CELF4: variants seen among roughly 807,000 people sequenced by gnomAD.
CELF4 encodes the protein CUG-BP- and ETR-3-like factor 4.
Under a neutral mutation model 59.9 loss-of-function variants are expected in CELF4, and 18 were observed. The ratio of observed to expected loss-of-function variants is 0.30; its 90% confidence interval spans 0.21 to 0.45. The LOEUF is 0.45. Among genes scored for constraint, CELF4 ranks in the 20% least tolerant of loss-of-function variants. CELF4 has a pLI of 1.00. For synonymous variants in CELF4, 261 were observed against 267.1 expected (o/e 0.98, Z 0.22); for missense variants, 456 against 689.0 (o/e 0.66, Z 3.79).
intron 3 of CELF4, among the ~76,000 whole-genome samples, chr18:37,309,362 A>C (rs1372282766): frequency 6.6e-6 from 1 of 152,132 alleles, no homozygotes; most frequent in African/African-American, 2.4e-5. Flanking sequence ...ATCCTCACCC[A>C]ATTGTGCAGG....
Position 37,243,514 on chromosome 18 carries a change from T to G in CELF4, c.*1728A>C, listed in dbSNP as rs1007160495. On this transcript the variant is annotated 3_prime_UTR_variant, in exon 13 of 13. Transcript: ENST00000420428. ...TCAGTGTTTTTTCTGATTCTGAGTT[T>G]TTTAAGCAATGTCTTTAACTGCTCT... 6.6e-6 allele frequency: 1 copy of G among 152,248 alleles called. No homozygotes were observed. Among genetic ancestry groups the G allele is most frequent in the East Asian group, 1.9e-4 (1 of 5,202 alleles). 9.4% of individuals were successfully genotyped at this position (152,248 alleles called of 1,614,324 possible). A position where few individuals can be genotyped will look rare whatever the true frequency, so the allele number is the denominator to read the frequency against.
rs1184509536 is a variant in CELF4, at chr18:37,245,418, TG to T, written c.*45-222del. On this transcript the variant is annotated intron_variant, in intron 12 of 12. Coordinates refer to ENST00000420428, the MANE Select transcript of CELF4 (RefSeq NM_020180.4). The surrounding 1 kb of genome is among the most constrained non-coding windows in gnomAD (Gnocchi z 4.1). ...AAACCACTGGGAGGTCTAGTGGTGA[TG>T]GTTGTAGCTGAGGTTTCGTTGTTGG... 3.3e-5 allele frequency among the ~76,000 whole-genome samples: 5 copies of T among 152,160 alleles called. No individual in the cohort carries two copies. The highest frequency in any genetic ancestry group is 1.2e-4 in the African/African-American group (5 of 41,432).
chr18:37,434,788 G>A (rs2099684447), intron 2 of CELF4, among the ~76,000 whole-genome samples: 1 of 152,022 alleles, frequency 6.6e-6, no homozygotes, highest in African/African-American at 2.4e-5. Flanking sequence ...GGAGAATCTG[G>A]TCTCCTCGCC....
At chr18:37,367,811 C>T (rs890636946) in intron 2 of CELF4, among the ~76,000 whole-genome samples, 4 of 152,102 alleles carry the variant, frequency 2.6e-5, no homozygotes, top group Admixed American at 6.5e-5. Context: ...TCCGTGGCGC[C>T]GGTGAAGTGG....
intron 2 of CELF4, among the ~76,000 whole-genome samples, chr18:37,454,114 A>G (rs1322574263): frequency 6.6e-6 from 1 of 152,194 alleles, no homozygotes; most frequent in African/African-American, 2.4e-5. Flanking sequence ...TCATATTTGG[A>G]AAAAGGAAGT....
intron 2 of CELF4, among the ~76,000 whole-genome samples, chr18:37,354,758 C>T (rs2098534340): frequency 6.6e-6 from 1 of 152,124 alleles, no homozygotes; most frequent in Non-Finnish European, 1.5e-5. Context: ...GGCCTTCCCA[C>T]CATGCCTTCT....
At chr18:37,353,233 A>AAAAATATATATATATATAT (rs71168258) in intron 2 of CELF4, among the ~76,000 whole-genome samples, 15 of 106,974 alleles carry the variant, frequency 1.4e-4, no homozygotes, top group Admixed American at 3.7e-4. Context: ...AAAAAAAAAA[A>AAAAATATATATATATATAT]ATATATATAT....
At position 37,348,717 on chromosome 18, in the gene CELF4, G is replaced by C. The variant is rs185639791; in HGVS notation, c.370-26836C>G. Reference sequence around the variant, plus strand: ...ACAACAACAACAAAACCCATCGGGGGTCATTCCTGGTCTCCTCACTCCTCC... The same window carrying C: ...ACAACAACAACAAAACCCATCGGGGCTCATTCCTGGTCTCCTCACTCCTCC... On this transcript the variant is annotated intron_variant, in intron 2 of 12. Transcript: ENST00000420428. 2.8e-4 allele frequency among the ~76,000 whole-genome samples: 43 copies of C among 152,234 alleles called. No individual in the cohort carries two copies. The East Asian group carries it at 8.1e-3, about 29-fold the overall frequency.
intron 2 of CELF4, among the ~76,000 whole-genome samples, chr18:37,358,963 T>C (rs932827448): frequency 3.9e-5 from 6 of 152,062 alleles, no homozygotes; most frequent in Admixed American, 1.3e-4. Flanking sequence ...TTAGCTGGCA[T>C]GGTAGCATGT....
At chr18:37,440,986 A>G (rs1238728729) in intron 2 of CELF4, among the ~76,000 whole-genome samples, 2 of 152,146 alleles carry the variant, frequency 1.3e-5, no homozygotes, top group African/African-American at 4.8e-5. Context: ...TGAATATTAG[A>G]TAGTGGATGC....
rs2060928540 is a variant in CELF4, at chr18:37,243,325, GTTC to G, written c.*1914_*1916del. On this transcript the variant is annotated 3_prime_UTR_variant, in exon 13 of 13. Transcript: ENST00000420428. ...GAGGCCCTAGAGGAACTGGAAATTT[GTTC>G]TTCTAAAGGGAAACTGGTAGGTCTG... The G allele has an allele frequency of 6.6e-6, 1 of 151,778 alleles. No homozygotes were observed. Among genetic ancestry groups the G allele is most frequent in the Non-Finnish European group, 1.5e-5 (1 of 68,000 alleles). The allele number at this position is 151,778 out of a possible 1,614,324, so 9.4% of individuals were successfully genotyped here.
At chr18:37,376,003 C>T (rs1316560469) in intron 2 of CELF4, among the ~76,000 whole-genome samples, 1 of 152,140 alleles carries the variant, frequency 6.6e-6, no homozygotes, top group African/African-American at 2.4e-5. Flanking sequence ...CGATGTGACC[C>T]GGGACCAGAT....
In CELF4 at chr18:37,254,235, G is replaced by A. The variant is rs2067632952; in HGVS notation, c.1334-297C>T. 6.6e-6 allele frequency among the ~76,000 whole-genome samples: 1 copy of A among 151,094 alleles called. No individual in the cohort carries two copies. Among genetic ancestry groups the A allele is most frequent in the African/African-American group, 2.4e-5 (1 of 41,298 alleles). ...CCCGCGGCCGGGCGGCGCTGGGAGA[G>A]GCGCCCGCCCCCCACCCCCGCCGGC... On this transcript the variant is annotated intron_variant, in intron 11 of 12. Coordinates refer to ENST00000420428, the MANE Select transcript of CELF4 (RefSeq NM_020180.4). The surrounding 1 kb of genome is among the most constrained non-coding windows in gnomAD (Gnocchi z 5.1).
Position 37,253,958 on chromosome 18 carries a change from G to C in CELF4, c.1334-20C>G. On this transcript the variant is annotated intron_variant, in intron 11 of 12. Transcript: ENST00000420428. The surrounding 1 kb of genome is among the most constrained non-coding windows in gnomAD (Gnocchi z 4.5). ...CGAAGCCTGGCGAGACACGAGGGACGAGGGCCTGGGTTTCCACGGGGCCGC... is the reference window on the plus strand; with the variant it reads ...CGAAGCCTGGCGAGACACGAGGGACCAGGGCCTGGGTTTCCACGGGGCCGC... The C allele has an allele frequency of 6.3e-7, 1 of 1,592,192 alleles. No individual in the cohort carries two copies. The highest frequency in any genetic ancestry group is 8.5e-7 in the Non-Finnish European group (1 of 1,170,180).
At chr18:37,328,864 A>T (rs1338407812) in intron 2 of CELF4, among the ~76,000 whole-genome samples, 2 of 152,346 alleles carry the variant, frequency 1.3e-5, no homozygotes, top group Non-Finnish European at 2.9e-5. Flanking sequence ...CACTGCTCTG[A>T]GAAAACAGAC....
intron 2 of CELF4, among the ~76,000 whole-genome samples, chr18:37,442,556 T>C (rs2099735290): frequency 6.6e-6 from 1 of 152,174 alleles, no homozygotes; most frequent in Non-Finnish European, 1.5e-5. Context: ...CAGTGCATGC[T>C]ACTGCTGAAG....
At position 37,311,470 on chromosome 18, in the gene CELF4, G is replaced by T. The variant is rs73948889; in HGVS notation, c.448+10333C>A. Among the ~76,000 whole-genome samples the T allele has an allele frequency of 5.1e-3, 782 of 152,282 alleles. 4 individuals carry two copies. Among genetic ancestry groups the T allele is most frequent in the African/African-American group, 0.018 (742 of 41,544 alleles). ...TATTTTTACAAAGGGGCTTAAGAAA[G>T]AAAGGAGATAAAGATTCTCTTAAAT... On this transcript the variant is annotated intron_variant, in intron 3 of 12. Transcript: ENST00000420428.
chr18:37,497,866 A>G (rs1172032393), intron 1 of CELF4, among the ~76,000 whole-genome samples: 1 of 152,174 alleles, frequency 6.6e-6, no homozygotes, highest in East Asian at 1.9e-4. Context: ...TAAGTCTATA[A>G]AATAGACTTA....
At chr18:37,517,090 C>A (rs1000261476) in intron 1 of CELF4, among the ~76,000 whole-genome samples, 1 of 152,198 alleles carries the variant, frequency 6.6e-6, no homozygotes, top group Non-Finnish European at 1.5e-5. Context: ...ACTGGCTCTG[C>A]AGGCTTCTGC....
Sources: gnomAD v4.1 joint callset for allele counts (sites outside exome capture counted in the v4.1 genomes callset) on GRCh38, gnomAD v4.1.1 for gene constraint, Gnocchi (gnomAD v3.1) non-coding constraint, MANE v1.5 for transcripts, NCBI Gene and HGNC (gene_info 2026-07-23, HGNC 2026-07-21) for gene names.